Variants in MISP observed in about 807,000 individuals in gnomAD.
MISP encodes the protein mitotic spindle positioning.
MISP carries 51 observed loss-of-function variants against 49.3 expected under a neutral mutation model. That is an observed-to-expected ratio of 1.03 (90% CI 0.83 to 1.31). The LOEUF is 1.31. MISP is among the 50% of genes most tolerant of loss of function. The probability of loss-of-function intolerance (pLI) is 0.00; values close to 1 mark genes in which losing one functional copy is unlikely to be tolerated. For missense variants in MISP, 1,084 were observed against 935.1 expected (o/e 1.16, Z -2.08); for synonymous variants, 444 against 392.6 (o/e 1.13, Z -1.55).
chr19:761,511 A>T (rs1476892914), intron 3 of MISP, 114 bp from the exon 4 acceptor site: 2 of 1,156,070 alleles, frequency 1.7e-6, no homozygotes, highest in Non-Finnish European at 2.6e-6. Context: ...AGGGCAGGGG[A>T]TGCCTTCCAC....
upstream of MISP, among the ~76,000 whole-genome samples, chr19:750,313 C>T (rs1321767230): frequency 1.3e-5 from 2 of 150,564 alleles, no homozygotes; most frequent in South Asian, 2.1e-4. Context: ...GATTCTTCTG[C>T]CTCAGCCTCC....
intron 1 of MISP, among the ~76,000 whole-genome samples, chr19:752,951 G>A (rs1416727732): frequency 6.6e-6 from 1 of 152,238 alleles, no homozygotes; most frequent in Non-Finnish European, 1.5e-5. Flanking sequence ...GAGCAGCTGG[G>A]ATGAGTGGTG....
rs1362408854 is a variant in MISP at position 758,069 on chromosome 19, G to A, written c.1123G>A (p.Ala375Thr). ...HRREGLHVGR[A>T]STPDWVSEGP... The stretch of plus-strand genomic sequence containing the variant: ...GCGGGAGGGCCTGCACGTGGGCCGG[G>A]CGTCCACACCCGACTGGGTCTCGGA... Residue 375 changes from alanine (A) to threonine (T), a missense_variant, in exon 2 of 5, where the codon GCG becomes ACG. By Grantham distance (58) the Ala-to-Thr change is moderately conservative. Coordinates refer to ENST00000215582, the MANE Select transcript of MISP (RefSeq NM_173481.4). 1.7e-5 allele frequency: 26 copies of A among 1,570,374 alleles called. No individual in the cohort carries two copies. The highest frequency in any genetic ancestry group is 2.1e-5 in the Non-Finnish European group (24 of 1,160,090).
chr19:763,404 C>A, intron 4 of MISP, 97 bp from the exon 5 acceptor site: 1 of 805,524 alleles, frequency 1.2e-6, no homozygotes, highest in South Asian at 1.5e-5. Context: ...CTACTTTACC[C>A]CCGTTCTAGG....
chr19:763,766 C>T lies in MISP; in HGVS notation c.*176C>T, dbSNP rs115351326. On this transcript the variant is annotated 3_prime_UTR_variant, in exon 5 of 5. Transcript: ENST00000215582. ...TTGGGACTGTTGGGTTTTTCGTTTC[C>T]GTTTCTATCTTCCTTTAGAAATGTT... is the stretch of plus-strand genomic sequence containing the variant. 2.3e-5 allele frequency: 13 copies of T among 577,608 alleles called. No individual in the cohort carries two copies. The highest frequency in any genetic ancestry group is 1.1e-4 in the South Asian group (5 of 45,410). 35.8% of individuals were successfully genotyped at this position (577,608 alleles called of 1,614,324 possible).
upstream of MISP, among the ~76,000 whole-genome samples, chr19:749,611 A>C (rs1260894014): frequency 6.6e-6 from 1 of 152,114 alleles, no homozygotes; most frequent in Non-Finnish European, 1.5e-5. Flanking sequence ...CGGGGGCATC[A>C]CCTGAGGTCA....
chr19:757,606 T>C lies in MISP; in HGVS notation c.660T>C (p.Pro220=), dbSNP rs3746174. Residue 220 remains proline (P), a synonymous_variant, in exon 2 of 5, where the codon CCT becomes CCC. Transcript: ENST00000215582. ...ATAGCTCCCCGGCCAGGGGGACCCCTGCAGGCACAACCCCAGGGGCCAGCC... is the reference window on the plus strand; with the variant it reads ...ATAGCTCCCCGGCCAGGGGGACCCCCGCAGGCACAACCCCAGGGGCCAGCC... ...APHSSPARGT[P]AGTTPGASQA... is the part of the protein sequence containing the mutation. 89,406 of 1,612,410 alleles carry C rather than the reference T, an allele frequency of 0.055. 7,924 individuals carry two copies. The highest frequency in any genetic ancestry group is 0.42 in the East Asian group (18,831 of 44,768).
chr19:762,011 G>C (rs1315519873), intron 4 of MISP, among the ~76,000 whole-genome samples: 1 of 151,850 alleles, frequency 6.6e-6, no homozygotes, highest in Non-Finnish European at 1.5e-5. Flanking sequence ...GCAGTGGTGC[G>C]ATCTCGGCTC....
Position 759,953 on chromosome 19 carries a change from C to T in MISP, c.1825C>T (p.Pro609Ser), listed in dbSNP as rs770727929. 9.3e-6 allele frequency: 15 copies of T among 1,614,102 alleles called. No homozygotes were observed. The East Asian group carries it at 2.9e-4, about 31-fold the overall frequency. The change falls in exon 3 of 5, where the codon CCC becomes TCC. Residue 609 changes from proline (P) to serine (S), a missense_variant. Physicochemically the swap from Pro to Ser is moderately conservative, Grantham distance 74. Transcript: ENST00000215582. ...YSVSESPFFSPIHLHSNVAWT... is the reference protein window; with the variant it reads ...YSVSESPFFSSIHLHSNVAWT... ...GGTGTCTGAGTCTCCCTTCTTCAGCCCCATCCACCTACACTCAAACGTGGC... is the reference window on the plus strand; with the variant it reads ...GGTGTCTGAGTCTCCCTTCTTCAGCTCCATCCACCTACACTCAAACGTGGC...
intron 1 of MISP, among the ~76,000 whole-genome samples, chr19:753,030 C>T (rs2033483794): frequency 6.6e-6 from 1 of 152,210 alleles, no homozygotes; most frequent in Admixed American, 6.5e-5. Context: ...GGGTGCTGAC[C>T]TGTGGCCACA....
rs568502932 is a variant in MISP at position 757,189 on chromosome 19, G to T, written c.243G>T (p.Gly81=). 6.2e-6 allele frequency: 10 copies of T among 1,613,406 alleles called. No individual in the cohort carries two copies. Among genetic ancestry groups the T allele is most frequent in the Middle Eastern group, 1.6e-4 (1 of 6,084 alleles). ...ACACTGGCCAGCCGTCCCCACGGGG[G>T]CTCCACTCGGAGAACAGGGAGGATG... is the stretch of plus-strand genomic sequence containing the variant. The part of the protein sequence containing the change: ...HAYTGQPSPR[G]LHSENREDEG... Residue 81 remains glycine, a synonymous_variant, in exon 2 of 5, where the codon GGG becomes GGT. Transcript: ENST00000215582.
rs1410650598 is a variant in MISP at position 758,265 on chromosome 19, C to T, written c.1319C>T (p.Ala440Val). 2 of 1,613,728 alleles carry T rather than the reference C, an allele frequency of 1.2e-6. No homozygotes were observed. Among genetic ancestry groups the T allele is most frequent in the African/African-American group, 1.3e-5 (1 of 74,938 alleles). Residue 440 changes from alanine (A) to valine (V), a missense_variant, in exon 2 of 5, where the codon GCC becomes GTC. Coordinates refer to ENST00000215582, the MANE Select transcript of MISP (RefSeq NM_173481.4). ...SPGTPQLEFS[A>V]FGAFGKPSSL... ...GGGACCCCCCAGCTAGAATTCTCAG[C>T]CTTCGGAGCATTCGGCAAGCCCAGC...
At position 757,648 on chromosome 19, in the gene MISP, C is replaced by G. The variant is rs74634086; in HGVS notation, c.702C>G (p.Phe234Leu). ...TPGASQAPKA[F>L]NKPHLANGHV... ...GGGCCAGCCAGGCCCCCAAGGCCTT[C>G]AACAAGCCCCACCTGGCCAACGGGC... Residue 234 changes from phenylalanine (F) to leucine (L), a missense_variant, in exon 2 of 5, where the codon TTC (phenylalanine) becomes TTG (leucine). Transcript: ENST00000215582. The G allele has an allele frequency of 9.9e-4, 1,591 of 1,613,114 alleles. 11 individuals are homozygous for G. In the African/African-American group the frequency reaches 0.017, roughly 18 times the overall value.
At chr19:754,795 CAGAG>C (rs778048270) in intron 1 of MISP, among the ~76,000 whole-genome samples, 25 of 152,056 alleles carry the variant, frequency 1.6e-4, no homozygotes, top group Admixed American at 3.9e-4. Flanking sequence ...AGCCTCGAGA[CAGAG>C]AGAGCTGCAG....
chr19:761,853 G>A (rs2033677415), intron 4 of MISP, among the ~76,000 whole-genome samples, 190 bp downstream of exon 4: 1 of 152,196 alleles, frequency 6.6e-6, no homozygotes. Context: ...GCATGGATTA[G>A]GAGAAGAGGG....
chr19:762,412 C>G (rs1599189478), intron 4 of MISP, among the ~76,000 whole-genome samples: 1 of 150,904 alleles, frequency 6.6e-6, no homozygotes, highest in African/African-American at 2.4e-5. Context: ...ACCACCATGC[C>G]CAGCTAATTT....
rs767493982 is a variant in MISP at position 757,475 on chromosome 19, C to T, written c.529C>T (p.Arg177Trp). 65 of 1,595,330 alleles carry T rather than the reference C, an allele frequency of 4.1e-5. No homozygotes were observed. Among genetic ancestry groups the T allele is most frequent in the Non-Finnish European group, 4.9e-5 (58 of 1,172,130 alleles). The change falls in exon 2 of 5, where the codon CGG becomes TGG. Residue 177 changes from arginine to tryptophan, a missense_variant. Transcript: ENST00000215582. ...HGDPRTPGPP[R>W]STPLEENVVD... Reference sequence around the variant, plus strand: ...AGACCCCAGGACCCCCGGCCCACCTCGGTCCACGCCCCTGGAGGAGAACGT... The same window carrying T: ...AGACCCCAGGACCCCCGGCCCACCTTGGTCCACGCCCCTGGAGGAGAACGT...
At chr19:750,290 C>T (rs1464512617), upstream of MISP, among the ~76,000 whole-genome samples, 2 of 142,846 alleles carry the variant, frequency 1.4e-5, no homozygotes, top group African/African-American at 5.2e-5. Context: ...ACCTCCAACT[C>T]CTGGGTTCAA....
Position 758,625 on chromosome 19 carries a change from A to G in MISP, c.1679A>G (p.Glu560Gly). 6.2e-7 allele frequency: 1 copy of G among 1,614,236 alleles called. No homozygotes were observed. The highest frequency in any genetic ancestry group is 8.5e-7 in the Non-Finnish European group (1 of 1,180,032). ...GAGAGTGTCCTGCGCCGGGAGCAAG[A>G]GGTGGCAGAGGAGCGGAGAAATGCT... ...ERESVLRREQEVAEERRNALF... is the reference protein window; with the variant it reads ...ERESVLRREQGVAEERRNALF... Residue 560 changes from glutamate to glycine, a missense_variant, in exon 2 of 5, where the codon GAG (glutamate) becomes GGG (glycine). By Grantham distance (98) the Glu-to-Gly change is moderately conservative. Transcript: ENST00000215582.
Sources: allele counts gnomAD v4.1 joint callset (sites outside exome capture counted in the v4.1 genomes callset), GRCh38; gene constraint gnomAD v4.1.1; transcripts MANE v1.5; gene names NCBI Gene and HGNC (gene_info 2026-07-23, HGNC 2026-07-21).